Variants in KLRG1 observed in about 807,000 individuals in gnomAD.
The protein encoded by KLRG1 is killer cell lectin-like receptor subfamily G member 1.
Under a neutral mutation model 21.8 loss-of-function variants are expected in KLRG1, and 16 were observed. That is an observed-to-expected ratio of 0.73 (90% CI 0.50 to 1.11). The LOEUF (loss-of-function observed/expected upper bound fraction) is 1.11, where lower values mean the gene tolerates loss of function less well. Among genes scored for constraint, KLRG1 ranks in the 50% most tolerant of loss-of-function variants. The pLI, the probability that KLRG1 is intolerant of heterozygous loss-of-function variation, is 0.00. For missense variants in KLRG1, 173 were observed against 218.3 expected, an observed-to-expected ratio of 0.79 and a Z score of 1.31; for synonymous variants, 69 against 75.9, an observed-to-expected ratio of 0.91 and a Z score of 0.47.
At chr12:9,210,668 CT>C in the KLRG1 span, among the ~76,000 whole-genome samples, 2 of 152,104 alleles carry the variant, frequency 1.3e-5, no homozygotes, top group Non-Finnish European at 2.9e-5. Context: ...TCTCAATTAC[CT>C]TGTATACCAT....
At chr12:9,097,575 T>C in the KLRG1 span, among the ~76,000 whole-genome samples, 1 of 152,034 alleles carries the variant, frequency 6.6e-6, no homozygotes, top group Non-Finnish European at 1.5e-5. Context: ...ATAATACATA[T>C]GTTCCCTCAG....
chr12:9,037,501 T>C, the KLRG1 span, among the ~76,000 whole-genome samples: 5 of 152,184 alleles, frequency 3.3e-5, no homozygotes, highest in Non-Finnish European at 7.3e-5. Flanking sequence ...TACCCACCAA[T>C]CATGAAATAA....
the KLRG1 span, among the ~76,000 whole-genome samples, chr12:9,203,613 T>A: frequency 6.6e-6 from 1 of 152,136 alleles, no homozygotes; most frequent in Non-Finnish European, 1.5e-5. Context: ...AGTGCTGGGA[T>A]TACAGGCGTG....
At position 8,989,555 on chromosome 12, in the gene KLRG1, G is replaced by T; in HGVS notation, c.-81G>T. 1 of 841,840 alleles carries T rather than the reference G, an allele frequency of 1.2e-6. No individual in the cohort carries two copies. Among genetic ancestry groups the T allele is most frequent in the East Asian group, 2.7e-5 (1 of 37,672 alleles). 52.1% of individuals were successfully genotyped at this position (841,840 alleles called of 1,614,324 possible). A position where few individuals can be genotyped will look rare whatever the true frequency, so the allele number is the denominator to read the frequency against. The stretch of plus-strand genomic sequence containing the variant: ...TTCCTGCTAGCAGTTTAGAGATTGG[G>T]CTGTTTCCTCACTGATACATATCCC... On this transcript the variant is annotated 5_prime_UTR_variant, in exon 1 of 5. Transcript: ENST00000356986.
At chr12:9,203,785 G>A in the KLRG1 span, 1 of 1,614,100 alleles carries the variant, frequency 6.2e-7, no homozygotes, top group African/African-American at 1.3e-5. Context: ...GAGACACAGT[G>A]GAATAAGTCC....
intron 1 of KLRG1, among the ~76,000 whole-genome samples, chr12:8,970,872 CTT>C (rs1163527207): frequency 6.6e-6 from 1 of 151,898 alleles, no homozygotes; most frequent in Non-Finnish European, 1.5e-5. Flanking sequence ...TGATCTATAT[CTT>C]TTTTCTTTTT....
At chr12:9,126,029 G>C in the KLRG1 span, among the ~76,000 whole-genome samples, 14 of 152,260 alleles carry the variant, frequency 9.2e-5, no homozygotes, top group African/African-American at 3.4e-4. Context: ...CACTGTGCCT[G>C]GCCATGTTTA....
chr12:8,966,383 T>C (rs372838510), intron 1 of KLRG1, among the ~76,000 whole-genome samples: 3 of 151,986 alleles, frequency 2.0e-5, no homozygotes, highest in South Asian at 2.1e-4. Context: ...AAAGAAACTA[T>C]CATCAGAGTG....
the KLRG1 span, among the ~76,000 whole-genome samples, chr12:9,086,601 A>G: frequency 6.6e-6 from 1 of 152,222 alleles, no homozygotes; most frequent in Non-Finnish European, 1.5e-5. Flanking sequence ...CTCTTTTATG[A>G]TAAAACTCTC....
chr12:8,985,115 A>G (rs1946821300), upstream of KLRG1, among the ~76,000 whole-genome samples: 1 of 151,170 alleles, frequency 6.6e-6, no homozygotes, highest in African/African-American at 2.4e-5. Flanking sequence ...AGGATACCAC[A>G]TTACATCTAG....
chr12:9,106,650 A>G, the KLRG1 span: 3 of 1,006,762 alleles, frequency 3.0e-6, no homozygotes, highest in Non-Finnish European at 4.5e-6. Flanking sequence ...TGCATATTAT[A>G]CTAAATAGAT....
chr12:9,047,136 G>A, the KLRG1 span, among the ~76,000 whole-genome samples: 5 of 152,224 alleles, frequency 3.3e-5, no homozygotes, highest in African/African-American at 1.2e-4. Context: ...TTACAGGCAT[G>A]AGACACCACA....
the KLRG1 span, chr12:9,192,273 G>C: frequency 6.2e-7 from 1 of 1,612,698 alleles, no homozygotes; most frequent in Non-Finnish European, 8.5e-7. Context: ...TGAAAAAACA[G>C]TGAAGGAAAT....
At chr12:9,111,838 G>C in the KLRG1 span, among the ~76,000 whole-genome samples, 2 of 152,296 alleles carry the variant, frequency 1.3e-5, no homozygotes, top group South Asian at 4.1e-4. Flanking sequence ...TCTTTAAAAT[G>C]TTTTTTGAGC....
At chr12:9,071,687 T>C in the KLRG1 span, among the ~76,000 whole-genome samples, 1 of 152,200 alleles carries the variant, frequency 6.6e-6, no homozygotes, top group Non-Finnish European at 1.5e-5. Flanking sequence ...AATGAGAACA[T>C]GCAGTGTTTG....
the KLRG1 span, among the ~76,000 whole-genome samples, chr12:9,103,469 A>T: frequency 3.9e-5 from 6 of 152,206 alleles, no homozygotes; most frequent in Non-Finnish European, 7.3e-5. Flanking sequence ...TCTTTAGTGT[A>T]CAGTTTGGTA....
At chr12:9,179,929 C>T in the KLRG1 span, among the ~76,000 whole-genome samples, 1 of 152,182 alleles carries the variant, frequency 6.6e-6, no homozygotes, top group Non-Finnish European at 1.5e-5. Flanking sequence ...AATCACATCT[C>T]AGCTTGTGCC....
intron 1 of KLRG1, among the ~76,000 whole-genome samples, chr12:8,979,839 G>A (rs1034782093): frequency 1.3e-5 from 2 of 151,868 alleles, no homozygotes; most frequent in African/African-American, 2.4e-5. Flanking sequence ...TGCTGTTGAA[G>A]CTCTGTATTG....
the KLRG1 span, among the ~76,000 whole-genome samples, chr12:9,157,006 T>C: frequency 6.6e-6 from 1 of 152,132 alleles, no homozygotes; most frequent in African/African-American, 2.4e-5. Context: ...GCCATGGTGG[T>C]TTGCTGCATG....
Sources: allele counts gnomAD v4.1 joint callset (sites outside exome capture counted in the v4.1 genomes callset), GRCh38; gene constraint gnomAD v4.1.1; transcripts MANE v1.5; gene names NCBI Gene and HGNC (gene_info 2026-07-23, HGNC 2026-07-21).